MMP26: variants seen among roughly 807,000 people sequenced by gnomAD.
MMP26 encodes the protein matrix metalloproteinase-26.
In MMP26, 33 loss-of-function variants were observed where a neutral mutation model predicts 31.0. The ratio of observed to expected loss-of-function variants is 1.06; its 90% CI spans 0.81 to 1.42. The LOEUF is 1.42. Among genes scored for constraint, MMP26 ranks in the 40% most tolerant of loss-of-function variants. The pLI, the probability that MMP26 is intolerant of heterozygous loss-of-function variation, is 0.00. For synonymous variants in MMP26, 122 were observed against 114.9 expected (o/e 1.06, Z -0.40); for missense variants, 347 against 316.1 (o/e 1.10, Z -0.74).
chr11:4,843,610 C>G (rs1008947569), intron 2 of MMP26, among the ~76,000 whole-genome samples: 16 of 152,258 alleles, frequency 1.1e-4, no homozygotes, highest in Non-Finnish European at 1.8e-4. Flanking sequence ...CACAAAACCA[C>G]TTCTCCCTCC....
At chr11:4,852,530 T>C (rs753952527) in intron 2 of MMP26, among the ~76,000 whole-genome samples, 3 of 152,176 alleles carry the variant, frequency 2.0e-5, no homozygotes, top group Admixed American at 6.5e-5. Context: ...CTTCCTTAAG[T>C]ATTTACAAAA....
At chr11:4,814,668 G>A (rs1849396982) in intron 2 of MMP26, among the ~76,000 whole-genome samples, 1 of 152,082 alleles carries the variant, frequency 6.6e-6, no homozygotes, top group South Asian at 2.1e-4. Flanking sequence ...TTTTTTCTGA[G>A]CATTTTAAAG....
chr11:4,789,592 T>G (rs554319061), intron 2 of MMP26, among the ~76,000 whole-genome samples: 21 of 127,568 alleles, frequency 1.6e-4, no homozygotes, highest in South Asian at 5.7e-4. Context: ...CCAGGCTGGA[T>G]TGCAGTAGCA....
intron 2 of MMP26, among the ~76,000 whole-genome samples, chr11:4,927,210 C>T (rs186905689): frequency 1.3e-5 from 2 of 152,314 alleles, no homozygotes; most frequent in African/African-American, 4.8e-5. Context: ...TAACTATTAT[C>T]AGCATCTGTC....
chr11:4,986,938 T>TCTCTCTCC (rs1846904966), intron 2 of MMP26, among the ~76,000 whole-genome samples: 2 of 98,132 alleles, frequency 2.0e-5, no homozygotes, highest in African/African-American at 3.5e-5. Flanking sequence ...TCTCCCTCTC[T>TCTCTCTCC]CTCTCTCTCT....
chr11:4,956,792 C>T (rs1470383830), intron 2 of MMP26, among the ~76,000 whole-genome samples: 3 of 152,176 alleles, frequency 2.0e-5, no homozygotes, highest in East Asian at 3.9e-4. Flanking sequence ...GTTTAAGGGA[C>T]CTACTTCAGT....
At chr11:4,709,712 G>T (rs11033474) in intron 1 of MMP26, 64,364 of 460,004 alleles carry the variant, frequency 0.14, 5,552 homozygotes, top group Middle Eastern at 0.2. Flanking sequence ...GCATGATCCT[G>T]TTTGTCATCA....
At chr11:4,898,308 TGTA>T (rs1850744018) in intron 2 of MMP26, among the ~76,000 whole-genome samples, 1 of 152,116 alleles carries the variant, frequency 6.6e-6, no homozygotes, top group African/African-American at 2.4e-5. Flanking sequence ...TTTCTCTACT[TGTA>T]TATCTTTTTC....
intron 2 of MMP26, among the ~76,000 whole-genome samples, chr11:4,910,327 G>C (rs565904789): frequency 6.6e-6 from 1 of 152,094 alleles, no homozygotes; most frequent in South Asian, 2.1e-4. Flanking sequence ...TAATTAGACT[G>C]GGTTCCCCTG....
Position 4,887,894 on chromosome 11 carries a change from A to T in MMP26, c.-144-100174A>T, listed in dbSNP as rs553054056. Among the ~76,000 whole-genome samples the T allele has an allele frequency of 2.0e-5, 3 of 152,242 alleles. 1 individual carries two copies. In the South Asian group the frequency reaches 6.2e-4, roughly 32 times the overall value. Reference sequence around the variant, plus strand: ...AGAATGTTTGAGGTCACAGAAAAAGACTTGAATAATGCAGTCTGGGAGGAG... The same window carrying T: ...AGAATGTTTGAGGTCACAGAAAAAGTCTTGAATAATGCAGTCTGGGAGGAG... On this transcript the variant is annotated intron_variant, in intron 2 of 7. Transcript: ENST00000380390.
intron 2 of MMP26, among the ~76,000 whole-genome samples, chr11:4,799,075 G>A (rs144973679): frequency 1.1e-4 from 17 of 152,096 alleles, no homozygotes; most frequent in Middle Eastern, 3.2e-3. Flanking sequence ...GTCTCTGCCC[G>A]CCTACAAATG....
chr11:4,713,223 G>A (rs897531277), intron 1 of MMP26, among the ~76,000 whole-genome samples: 1 of 152,048 alleles, frequency 6.6e-6, no homozygotes, highest in African/African-American at 2.4e-5. Flanking sequence ...CATTTTTCTA[G>A]GGAAGAGGAA....
rs11035019 is a variant in MMP26 at position 4,988,333 on chromosome 11, C to T, written c.99+23C>T. 3,125 of 1,571,890 alleles carry T rather than the reference C, an allele frequency of 2.0e-3. 43 individuals carry two copies. The African/African-American group carries it at 0.033, about 17-fold the overall frequency. On this transcript the variant is annotated intron_variant, in intron 3 of 7. Transcript: ENST00000380390. ...GAGGTAGGTGAACGACTCAGGACCA[C>T]ATTATTACATGGTGACCATTGTGGG... is the stretch of plus-strand genomic sequence containing the variant.
chr11:4,882,301 T>A, intron 2 of MMP26: 3 of 1,614,014 alleles, frequency 1.9e-6, no homozygotes, highest in Non-Finnish European at 2.5e-6. Context: ...CACTGAACTA[T>A]GCTACTATCC....
chr11:4,837,154 G>A (rs1213598206), intron 2 of MMP26, among the ~76,000 whole-genome samples: 1 of 152,002 alleles, frequency 6.6e-6, no homozygotes, highest in Admixed American at 6.6e-5. Context: ...AAATGTAATT[G>A]CTATTTTGTC....
intron 1 of MMP26, among the ~76,000 whole-genome samples, chr11:4,747,958 T>A (rs1848400754): frequency 6.6e-6 from 1 of 151,840 alleles, no homozygotes; most frequent in Admixed American, 6.6e-5. Context: ...TGAGCAGAAC[T>A]AAATGGAATT....
At chr11:4,857,752 G>T (rs183695133) in intron 2 of MMP26, among the ~76,000 whole-genome samples, 1 of 152,180 alleles carries the variant, frequency 6.6e-6, no homozygotes, top group East Asian at 1.9e-4. Context: ...TGATACCAAG[G>T]CCAGGCAGAG....
intron 2 of MMP26, among the ~76,000 whole-genome samples, chr11:4,843,384 A>G (rs1849822509): frequency 1.3e-5 from 2 of 152,162 alleles, no homozygotes; most frequent in African/African-American, 4.8e-5. Context: ...ATCCTCTGCA[A>G]TCTAGGTAGA....
At chr11:4,937,885 A>G (rs543621562) in intron 2 of MMP26, 3 of 152,390 alleles carry the variant, frequency 2.0e-5, no homozygotes, top group South Asian at 2.1e-4. Flanking sequence ...ACTAGTTAAG[A>G]TAGTGCTGTA....
Sources: allele counts gnomAD v4.1 joint callset (sites outside exome capture counted in the v4.1 genomes callset), GRCh38; gene constraint gnomAD v4.1.1; transcripts MANE v1.5; gene names NCBI Gene and HGNC (gene_info 2026-07-23, HGNC 2026-07-21).